THADA: variants seen among roughly 807,000 people sequenced by gnomAD.
THADA encodes tRNA (32-2'-O)-methyltransferase regulator THADA.
In THADA, 213 loss-of-function variants were observed where a neutral mutation model predicts 219.8. The observed-to-expected ratio is 0.97, with a 90% CI of 0.87 to 1.09. THADA has a LOEUF of 1.09. Ranked by LOEUF, THADA falls within the 50% of genes least tolerant of loss-of-function variation. The pLI is 0.00. For missense variants in THADA, 2,956 were observed against 2,311.3 expected (o/e 1.28, Z -5.72); for synonymous variants, 1,018 against 828.9 (o/e 1.23, Z -3.92).
At chr2:43,539,375 G>C (rs1272485951) in intron 21 of THADA, among the ~76,000 whole-genome samples, 3 of 152,172 alleles carry the variant, frequency 2.0e-5, no homozygotes, top group East Asian at 3.8e-4. Context: ...GCACATGTAA[G>C]TATATTTAAT....
chr2:43,536,671 T>A (rs1281829297), intron 21 of THADA, among the ~76,000 whole-genome samples: 1 of 152,040 alleles, frequency 6.6e-6, no homozygotes, highest in African/African-American at 2.4e-5. Context: ...ACCAACAGAC[T>A]AATTAGGGGA....
rs764864611 is a variant in THADA, at chr2:43,571,768, GTAA to G, written c.2000_2002del (p.Ile667del). 8 of 1,613,744 alleles carry G rather than the reference GTAA, an allele frequency of 5.0e-6. No individual in the cohort carries two copies. Among genetic ancestry groups the G allele is most frequent in the African/African-American group, 1.3e-5 (1 of 74,898 alleles). On this transcript the variant is annotated inframe_deletion, in exon 13 of 38. Coordinates refer to ENST00000405975, the MANE Select transcript of THADA (RefSeq NM_022065.5). ...TGGAGACTGGCTGTTAAGATTGTAT[GTAA>G]TAAAGAACTGAATCCACTGCATTTC...
chr2:43,355,724 C>G (rs1173327289), intron 29 of THADA, among the ~76,000 whole-genome samples: 1 of 152,156 alleles, frequency 6.6e-6, no homozygotes, highest in African/African-American at 2.4e-5. Flanking sequence ...ATCCAGTTTT[C>G]CCAGCACCAT....
chr2:43,326,182 A>C (rs28456986), intron 30 of THADA, among the ~76,000 whole-genome samples: 36,912 of 151,134 alleles, frequency 0.24, 5,276 homozygotes, highest in African/African-American at 0.39. Flanking sequence ...AAAAAAAAAA[A>C]AACACTTGAA....
intron 30 of THADA, among the ~76,000 whole-genome samples, chr2:43,340,884 A>G (rs1666992567): frequency 6.6e-6 from 1 of 152,200 alleles, no homozygotes; most frequent in Admixed American, 6.5e-5. Flanking sequence ...GGAGTTAACT[A>G]GTATAGACAG....
At chr2:43,466,189 A>G (rs1014738297) in intron 26 of THADA, among the ~76,000 whole-genome samples, 1 of 152,214 alleles carries the variant, frequency 6.6e-6, no homozygotes, top group Non-Finnish European at 1.5e-5. Context: ...TTCTATTAAA[A>G]GGATTCCATG....
In THADA at chr2:43,515,291, A is replaced by T. The variant is rs866445408; in HGVS notation, c.3375-6511T>A. ...ATATAATATATAATATATTATATAT[A>T]ATATATAATATGTAATATATAATAT... is the stretch of plus-strand genomic sequence containing the variant. On this transcript the variant is annotated intron_variant, in intron 22 of 37. Coordinates refer to ENST00000405975, the MANE Select transcript of THADA (RefSeq NM_022065.5). Among the ~76,000 whole-genome samples, 85 of 9,094 alleles carry T rather than the reference A, an allele frequency of 9.3e-3. 2 individuals are homozygous for T. Among genetic ancestry groups the T allele is most frequent in the Middle Eastern group, 0.024 (1 of 42 alleles). 6.0% of individuals were successfully genotyped at this position (9,094 alleles called of 152,430 possible).
chr2:43,456,022 T>C (rs949549073), intron 26 of THADA, among the ~76,000 whole-genome samples: 1 of 152,176 alleles, frequency 6.6e-6, no homozygotes, highest in Non-Finnish European at 1.5e-5. Flanking sequence ...AAGACTACGC[T>C]ACAGTGCTAT....
intron 28 of THADA, among the ~76,000 whole-genome samples, chr2:43,415,638 C>G (rs1573537283): frequency 6.6e-6 from 1 of 152,158 alleles, no homozygotes; most frequent in Admixed American, 6.5e-5. Flanking sequence ...ATTACAAAAT[C>G]TAGAGCCTGG....
intron 36 of THADA, among the ~76,000 whole-genome samples, chr2:43,251,652 A>G (rs532096243): frequency 6.6e-6 from 1 of 152,352 alleles, no homozygotes; most frequent in East Asian, 1.9e-4. Flanking sequence ...CAGCTGGGGC[A>G]TGCCTAGCAC....
At chr2:43,585,704 A>T (rs2104136426) in intron 7 of THADA, among the ~76,000 whole-genome samples, 1 of 152,254 alleles carries the variant, frequency 6.6e-6, no homozygotes, top group African/African-American at 2.4e-5. Flanking sequence ...GACTATGTAA[A>T]GATGATAAAA....
intron 1 of THADA, among the ~76,000 whole-genome samples, chr2:43,594,059 A>C (rs1701881528): frequency 6.6e-6 from 1 of 152,166 alleles, no homozygotes; most frequent in African/African-American, 2.4e-5. Context: ...TTAAACAAAG[A>C]AATTTTCCAA....
chr2:43,478,689 A>C (rs1491507), intron 26 of THADA, among the ~76,000 whole-genome samples: 1 of 152,228 alleles, frequency 6.6e-6, no homozygotes, highest in Non-Finnish European at 1.5e-5. Context: ...AGAAGGCAAT[A>C]GCCTGAAGCA....
intron 4 of THADA, among the ~76,000 whole-genome samples, chr2:43,587,955 T>C (rs144693949): frequency 6.6e-6 from 1 of 152,148 alleles, no homozygotes; most frequent in African/African-American, 2.4e-5. Context: ...CAGTTCAAAG[T>C]TTTTCTGGAA....
chr2:43,520,937 G>C (rs1468299706), intron 22 of THADA, among the ~76,000 whole-genome samples: 1 of 124,762 alleles, frequency 8.0e-6, no homozygotes, highest in African/African-American at 3.1e-5. Flanking sequence ...GAAAGGGAAG[G>C]AGGGAGGGAG....
At chr2:43,307,425 G>A (rs530380040) in intron 31 of THADA, among the ~76,000 whole-genome samples, 77 of 151,802 alleles carry the variant, frequency 5.1e-4, no homozygotes, top group African/African-American at 1.8e-3. Context: ...ATTTGCACAT[G>A]CAAGGGGTGA....
At chr2:43,416,197 C>T (rs138304468) in intron 28 of THADA, among the ~76,000 whole-genome samples, 3 of 152,308 alleles carry the variant, frequency 2.0e-5, no homozygotes, top group East Asian at 1.9e-4. Flanking sequence ...ACCAATGCTA[C>T]CCACACATCA....
chr2:43,426,416 C>G (rs964996509), intron 28 of THADA, among the ~76,000 whole-genome samples: 2 of 152,238 alleles, frequency 1.3e-5, no homozygotes, highest in Non-Finnish European at 2.9e-5. Context: ...TGTGCACATG[C>G]CTTTCCTCCT....
At chr2:43,568,809 GA>G (rs1698967960) in intron 14 of THADA, among the ~76,000 whole-genome samples, 1 of 152,082 alleles carries the variant, frequency 6.6e-6, no homozygotes, top group Non-Finnish European at 1.5e-5. Context: ...TTGGGAGGTG[GA>G]GTGGGGGGAA....
Sources: allele counts gnomAD v4.1 joint callset (sites outside exome capture counted in the v4.1 genomes callset), GRCh38; gene constraint gnomAD v4.1.1; transcripts MANE v1.5; gene names NCBI Gene and HGNC (gene_info 2026-07-23, HGNC 2026-07-21).